The following DAB2IP variants were observed in gnomAD, a reference collection of about 807,000 sequenced individuals.
DAB2IP encodes the protein DAB2 interacting protein, also known as disabled homolog 2-interacting protein.
A neutral mutation model predicts 107.2 loss-of-function variants in DAB2IP; 28 were observed. That is an observed-to-expected ratio of 0.26 (90% CI 0.19 to 0.36). DAB2IP has a LOEUF of 0.36. Ranked by LOEUF, DAB2IP falls within the 10% of genes least tolerant of loss-of-function variation. The pLI is 1.00. For synonymous variants in DAB2IP, 755 were observed against 706.4 expected, an observed-to-expected ratio of 1.07 and a Z score of -1.09; for missense variants, 1,400 against 1,644.7, an observed-to-expected ratio of 0.85 and a Z score of 2.57.
intron 1 of DAB2IP, among the ~76,000 whole-genome samples, chr9:121,643,823 ACTGAT>A (rs1230032637): frequency 6.6e-6 from 1 of 152,228 alleles, no homozygotes; most frequent in Non-Finnish European, 1.5e-5. Flanking sequence ...TGGGAGCTGT[ACTGAT>A]CAGCTCTGGA....
At chr9:121,580,247 C>G (rs955106794) in intron 1 of DAB2IP, among the ~76,000 whole-genome samples, 2 of 152,112 alleles carry the variant, frequency 1.3e-5, no homozygotes, top group Admixed American at 6.5e-5. Context: ...AGGGGAAGCA[C>G]GCACCCAGGG....
chr9:121,627,138 C>T (rs1831680497), intron 1 of DAB2IP, among the ~76,000 whole-genome samples: 1 of 21,274 alleles, frequency 4.7e-5, no homozygotes, highest in African/African-American at 1.2e-4. Context: ...CACACACACA[C>T]ACTCACACAC....
At chr9:121,778,563 T>A (rs1431964516) in intron 14 of DAB2IP, among the ~76,000 whole-genome samples, 1 of 152,252 alleles carries the variant, frequency 6.6e-6, no homozygotes. Flanking sequence ...GGACTGAGTA[T>A]TTTTTTATGA....
rs766213314 is a variant in DAB2IP, at chr9:121,699,369, G to A, written c.273G>A (p.Lys91=). The A allele has an allele frequency of 5.2e-5, 77 of 1,478,574 alleles. 1 individual carries two copies. The highest frequency in any genetic ancestry group is 6.6e-5 in the Non-Finnish European group (73 of 1,104,948). 91.6% of individuals were successfully genotyped at this position (1,478,574 alleles called of 1,614,324 possible). The change falls in exon 3 of 16, where the codon AAG becomes AAA. Residue 91 remains lysine (K), a synonymous_variant. Coordinates refer to ENST00000408936, the Ensembl canonical transcript of DAB2IP. This position sits in a 1 kb window ranked among gnomAD's most constrained non-coding sequence, Gnocchi z 6.2. The stretch of plus-strand genomic sequence containing the variant: ...TCAAGGGCTCCATCAAGCGCACCAA[G>A]AGCCAGCCCAAGCTGGACCGCAACC...
intron 1 of DAB2IP, among the ~76,000 whole-genome samples, chr9:121,671,767 C>T (rs1833693012): frequency 6.6e-6 from 1 of 152,114 alleles, no homozygotes. Flanking sequence ...CATTGTGTTC[C>T]ATGTGAATAG....
chr9:121,645,736 A>T (rs1832514600), intron 1 of DAB2IP, among the ~76,000 whole-genome samples: 1 of 152,132 alleles, frequency 6.6e-6, no homozygotes, highest in Non-Finnish European at 1.5e-5. Context: ...TCCCCCGTTC[A>T]TCAGTTTCTC....
In DAB2IP at chr9:121,628,227, C is replaced by T. The variant is rs185703130; in HGVS notation, c.41-50451C>T. Among the ~76,000 whole-genome samples, 265 of 152,328 alleles carry T rather than the reference C, an allele frequency of 1.7e-3. 3 individuals carry two copies. Among genetic ancestry groups the T allele is most frequent in the Middle Eastern group, 6.8e-3 (2 of 294 alleles). On this transcript the variant is annotated intron_variant, in intron 1 of 16. Transcript: ENST00000259371. ...TGGAGATGCTGGCTCAGGGCTTCTCCTAGCTCAGAGAGTGGCTGTGATGTG... is the reference window on the plus strand; with the variant it reads ...TGGAGATGCTGGCTCAGGGCTTCTCTTAGCTCAGAGAGTGGCTGTGATGTG...
intron 3 of DAB2IP, chr9:121,742,778 C>T (rs891476894): frequency 3.0e-6 from 3 of 985,610 alleles, no homozygotes. Flanking sequence ...CTTTCACCTT[C>T]CCCTAGTGTT....
At chr9:121,784,402 A>C (rs1374226945) in exon 16 of DAB2IP, 1 of 152,968 alleles carries the variant, frequency 6.5e-6, no homozygotes, top group East Asian at 1.9e-4. Flanking sequence ...GTGACCTCGG[A>C]CAGAGCCCCC....
At chr9:121,669,265 T>G (rs1395872126) in intron 1 of DAB2IP, among the ~76,000 whole-genome samples, 1 of 152,172 alleles carries the variant, frequency 6.6e-6, no homozygotes, top group Admixed American at 6.5e-5. Context: ...AATTATAGAT[T>G]GACAAGCAAT....
At chr9:121,780,555 A>T (rs1023223197) in intron 14 of DAB2IP, among the ~76,000 whole-genome samples, 1 of 152,042 alleles carries the variant, frequency 6.6e-6, no homozygotes, top group South Asian at 2.1e-4. Flanking sequence ...CTCATCTAAG[A>T]GTGTGTGGAG....
At chr9:121,737,681 AG>A (rs1832027097) in intron 3 of DAB2IP, 9 of 985,322 alleles carry the variant, frequency 9.1e-6, no homozygotes, top group African/African-American at 1.7e-5. Flanking sequence ...GCCCAGAACC[AG>A]GTCAGCAGAG....
Position 121,651,791 on chromosome 9 carries a change from A to G in DAB2IP, c.16A>G (p.Ser6Gly). The change falls in exon 1 of 16, where the codon AGC (serine) becomes GGC (glycine). Residue 6 changes from serine to glycine, a missense_variant. Ser to Gly is a moderately conservative substitution (Grantham distance 56). Coordinates refer to ENST00000408936, the Ensembl canonical transcript of DAB2IP. This position sits in a 1 kb window ranked among gnomAD's most constrained non-coding sequence, Gnocchi z 5.1. The stretch of plus-strand genomic sequence containing the variant: ...GGGCGGCAGCATGTCCGCGGGCGGC[A>G]GCGCCAGGAAGAGCACCGGGAGGTC... 1 of 1,403,474 alleles carries G rather than the reference A, an allele frequency of 7.1e-7. No homozygotes were observed. Among genetic ancestry groups the G allele is most frequent in the Non-Finnish European group, 9.3e-7 (1 of 1,072,524 alleles). 86.9% of individuals were successfully genotyped at this position (1,403,474 alleles called of 1,614,324 possible). A position where few individuals can be genotyped will look rare whatever the true frequency, so the allele number is the denominator to read the frequency against.
chr9:121,668,427 G>A (rs1833538033), intron 1 of DAB2IP, among the ~76,000 whole-genome samples: 1 of 151,968 alleles, frequency 6.6e-6, no homozygotes, highest in African/African-American at 2.4e-5. Context: ...TCTTAGAGAT[G>A]GTGGTCTCGC....
intron 1 of DAB2IP, among the ~76,000 whole-genome samples, chr9:121,577,584 G>A (rs1386821185): frequency 6.6e-6 from 1 of 152,174 alleles, no homozygotes. Context: ...GAGTTGGTCT[G>A]TGCCCTAGAA....
At chr9:121,705,660 G>A (rs1405132246) in intron 3 of DAB2IP, among the ~76,000 whole-genome samples, 1 of 152,182 alleles carries the variant, frequency 6.6e-6, no homozygotes, top group Non-Finnish European at 1.5e-5. Context: ...TGAGCTGGCC[G>A]GTGTGTGAAT....
intron 5 of DAB2IP, among the ~76,000 whole-genome samples, chr9:121,759,230 G>A (rs973186456): frequency 2.0e-5 from 3 of 152,158 alleles, no homozygotes; most frequent in Non-Finnish European, 2.9e-5. Context: ...GGCTGGGCTT[G>A]GGGAAATGAG....
At chr9:121,734,428 G>C (rs1259261968) in intron 3 of DAB2IP, among the ~76,000 whole-genome samples, 1 of 152,148 alleles carries the variant, frequency 6.6e-6, no homozygotes, top group Non-Finnish European at 1.5e-5. Context: ...GCCTGCAAGC[G>C]GTTATGCAGA....
chr9:121,611,472 C>T (rs554258507), intron 1 of DAB2IP, among the ~76,000 whole-genome samples: 38 of 152,314 alleles, frequency 2.5e-4, no homozygotes, highest in African/African-American at 7.9e-4. Context: ...GGCTGCTCTA[C>T]CTACCAGCTG....
Sources: gnomAD v4.1 joint callset for allele counts (sites outside exome capture counted in the v4.1 genomes callset) on GRCh38, gnomAD v4.1.1 for gene constraint, Gnocchi (gnomAD v3.1) non-coding constraint, MANE v1.5 for transcripts, NCBI Gene and HGNC (gene_info 2026-07-23, HGNC 2026-07-21) for gene names.